Variants in TRPC5OS observed in about 807,000 individuals in gnomAD.
TRPC5OS encodes putative uncharacterized protein TRPC5OS.
For synonymous variants in TRPC5OS, 30 were observed against 29.3 expected (o/e 1.02, Z -0.08); for missense variants, 64 against 79.3 (o/e 0.81, Z 0.73).
Position 111,889,940 on chromosome X carries a change from G to A in TRPC5OS, c.-545-6011G>A, listed in dbSNP as rs752590496. 2.7e-4 allele frequency among the ~76,000 whole-genome samples: 30 copies of A among 111,068 alleles called. No individual in the cohort carries two copies. In the South Asian group the frequency reaches 0.012, roughly 43 times the overall value. ...TCTACTGTAGGAACACTCTGGGAAC[G>A]ATAGTATGTAGGGATGACAATAATG... On this transcript the variant is annotated intron_variant, in intron 1 of 3. Transcript: ENST00000635763.
chrX:111,888,521 AAAAG>A lies in TRPC5OS; in HGVS notation c.-545-7422_-545-7419del, dbSNP rs1421497514. ...AACCCCGTCTCTACCAAAAAAAAAAAAAAGAAAGAAAAGAAAAAAAAAATTAGCC... is the reference window on the plus strand; with the variant it reads ...AACCCCGTCTCTACCAAAAAAAAAAAAAAGAAAAGAAAAAAAAAATTAGCC... On this transcript the variant is annotated intron_variant, in intron 1 of 3. Coordinates refer to ENST00000635763, the MANE Select transcript of TRPC5OS (RefSeq NM_001195578.2). Among the ~76,000 whole-genome samples the A allele has an allele frequency of 2.0e-4, 21 of 104,397 alleles. No individual in the cohort carries two copies. In the East Asian group the frequency reaches 6.0e-3, roughly 30 times the overall value. The allele number at this position is 104,397 out of a possible 115,157, so 90.7% of individuals were successfully genotyped here.
chrX:111,891,309 C>G (rs1443423933), intron 1 of TRPC5OS, among the ~76,000 whole-genome samples: 1 of 111,748 alleles, frequency 8.9e-6, no homozygotes, highest in East Asian at 2.8e-4. Flanking sequence ...TCCACAATGG[C>G]TGAACTGATT....
chrX:111,885,678 T>TA (rs1924456893), intron 1 of TRPC5OS, among the ~76,000 whole-genome samples: 1 of 110,966 alleles, frequency 9.0e-6, no homozygotes, highest in African/African-American at 3.3e-5. Flanking sequence ...CCTCAAAATA[T>TA]AAATGAATAA....
At chrX:111,890,621 T>C (rs1924756915) in intron 1 of TRPC5OS, among the ~76,000 whole-genome samples, 1 of 111,974 alleles carries the variant, frequency 8.9e-6, no homozygotes, top group Non-Finnish European at 1.9e-5. Context: ...ATTCTGCTAG[T>C]GATGTGGAGG....
intron 1 of TRPC5OS, among the ~76,000 whole-genome samples, chrX:111,890,819 G>A (rs1924768948): frequency 8.9e-6 from 1 of 111,737 alleles, no homozygotes; most frequent in Non-Finnish European, 1.9e-5. Context: ...TATCACTTAG[G>A]TATTAAGCCT....
intron 1 of TRPC5OS, among the ~76,000 whole-genome samples, chrX:111,879,752 G>A (rs762879869): frequency 8.9e-6 from 1 of 112,485 alleles, no homozygotes; most frequent in East Asian, 2.8e-4. Context: ...TTTTTACAGA[G>A]AAAGAAATAT....
In TRPC5OS at chrX:111,903,857, C is replaced by T. The variant is rs1925483327; in HGVS notation, c.*1672C>T. ...GTGGGGAGTTGTGCCTATATAAATT[C>T]TTATGTGTGATGATTACTGCTAGTT... On this transcript the variant is annotated 3_prime_UTR_variant, in exon 4 of 4. Transcript: ENST00000635763. 1 of 112,016 alleles carries T rather than the reference C, an allele frequency of 8.9e-6. No individual in the cohort carries two copies. Among genetic ancestry groups the T allele is most frequent in the African/African-American group, 3.2e-5 (1 of 30,850 alleles). 9.2% of individuals were successfully genotyped at this position (112,016 alleles called of 1,213,427 possible). A position where few individuals can be genotyped will look rare whatever the true frequency, so the allele number is the denominator to read the frequency against.
chrX:111,878,911 C>T (rs920357804), intron 1 of TRPC5OS, among the ~76,000 whole-genome samples: 10 of 111,737 alleles, frequency 8.9e-5, no homozygotes, highest in African/African-American at 1.6e-4. Flanking sequence ...TAAAGGCATT[C>T]TTTTCTTTGC....
At chrX:111,900,789 T>C (rs1000441977) in intron 3 of TRPC5OS, among the ~76,000 whole-genome samples, 1 of 111,927 alleles carries the variant, frequency 8.9e-6, no homozygotes, top group Non-Finnish European at 1.9e-5. Context: ...GATATCAAAA[T>C]ATTAAAAACT....
At chrX:111,884,128 G>A (rs1243678690) in intron 1 of TRPC5OS, among the ~76,000 whole-genome samples, 1 of 112,546 alleles carries the variant, frequency 8.9e-6, no homozygotes, top group African/African-American at 3.2e-5. Context: ...TATAGCCAGG[G>A]CTTACATTTA....
chrX:111,901,363 CA>C (rs1341595751), intron 3 of TRPC5OS, among the ~76,000 whole-genome samples, 176 bp from the exon 4 acceptor site: 1 of 111,475 alleles, frequency 9.0e-6, no homozygotes, highest in East Asian at 2.8e-4. Flanking sequence ...ATGAGGTTTT[CA>C]AAGGAAAGAG....
chrX:111,882,364 T>G (rs1924266364), intron 1 of TRPC5OS, among the ~76,000 whole-genome samples: 1 of 112,314 alleles, frequency 8.9e-6, no homozygotes, highest in South Asian at 3.7e-4. Context: ...GGGTCTTGTC[T>G]CTGACTTCTT....
At chrX:111,893,862 G>C (rs1448871041) in intron 1 of TRPC5OS, among the ~76,000 whole-genome samples, 2 of 111,815 alleles carry the variant, frequency 1.8e-5, no homozygotes, top group Non-Finnish European at 3.8e-5. Context: ...AGAGTTTAAA[G>C]TGTAAATACT....
chrX:111,881,554 G>A (rs1924223586), intron 1 of TRPC5OS, among the ~76,000 whole-genome samples: 1 of 111,370 alleles, frequency 9.0e-6, no homozygotes, highest in Admixed American at 9.6e-5. Context: ...ATTCTGATTG[G>A]CAGAAATAAA....
chrX:111,893,933 G>T (rs1924934463), intron 1 of TRPC5OS, among the ~76,000 whole-genome samples: 1 of 111,711 alleles, frequency 9.0e-6, no homozygotes, highest in East Asian at 2.8e-4. Context: ...GTGAACATTT[G>T]CCCTTTGTGG....
chrX:111,877,006 G>A (rs1923980859), intron 1 of TRPC5OS, among the ~76,000 whole-genome samples: 1 of 111,408 alleles, frequency 9.0e-6, no homozygotes, highest in African/African-American at 3.3e-5. Flanking sequence ...CTTCAATATT[G>A]ATTAGAAAAA....
intron 1 of TRPC5OS, among the ~76,000 whole-genome samples, chrX:111,882,637 C>T (rs1432483213): frequency 8.8e-6 from 1 of 113,006 alleles, no homozygotes; most frequent in East Asian, 2.8e-4. Context: ...TTGGCCAAGA[C>T]CAAAGCCTAG....
intron 1 of TRPC5OS, among the ~76,000 whole-genome samples, chrX:111,884,832 G>A (rs757939121): frequency 4.4e-5 from 5 of 112,879 alleles, no homozygotes; most frequent in Admixed American, 2.8e-4. Context: ...TAAGTCTAGA[G>A]GAGACATAGA....
chrX:111,899,986 G>C (rs145017453), intron 3 of TRPC5OS, among the ~76,000 whole-genome samples: 3,552 of 110,265 alleles, frequency 0.032, 129 homozygotes, highest in African/African-American at 0.11. Flanking sequence ...AACCCCATGT[G>C]TACTGGTAGG....
Sources: gnomAD v4.1 joint callset for allele counts (sites outside exome capture counted in the v4.1 genomes callset) on GRCh38, gnomAD v4.1.1 for gene constraint, MANE v1.5 for transcripts, NCBI Gene and HGNC (gene_info 2026-07-23, HGNC 2026-07-21) for gene names.